Variants in CSNK1A1 observed in about 807,000 individuals in gnomAD.
CSNK1A1 encodes casein kinase 1 alpha 1.
CSNK1A1 carries 7 observed loss-of-function variants against 46.1 expected under a neutral mutation model. The ratio of observed to expected loss-of-function variants is 0.15; its 90% confidence interval spans 0.09 to 0.29. CSNK1A1 has a LOEUF of 0.29. CSNK1A1 is among the 10% of genes least tolerant of loss of function. The pLI is 1.00. For synonymous variants in CSNK1A1, 137 were observed against 141.5 expected (o/e 0.97, Z 0.23); for missense variants, 96 against 417.1 (o/e 0.23, Z 6.71).
At chr5:149,536,216 G>C (rs530744545) in intron 2 of CSNK1A1, among the ~76,000 whole-genome samples, 1 of 152,184 alleles carries the variant, frequency 6.6e-6, no homozygotes, top group East Asian at 1.9e-4. Context: ...GCCTCCCAAA[G>C]TGCTAGGATT....
intron 9 of CSNK1A1, among the ~76,000 whole-genome samples, chr5:149,499,620 CT>C (rs35603016): frequency 1.2e-3 from 174 of 143,936 alleles, no homozygotes; most frequent in Admixed American, 1.2e-3. Flanking sequence ...AAAAGATATG[CT>C]TTTTTTTTTT....
intron 9 of CSNK1A1, chr5:149,503,837 CA>C: frequency 1.0e-6 from 1 of 985,378 alleles, no homozygotes; most frequent in Non-Finnish European, 1.2e-6. Context: ...TGTTCTAGGT[CA>C]GAAGAGATTT....
chr5:149,511,952 A>C, intron 5 of CSNK1A1, 80 bp from the exon 6 acceptor site: 1 of 1,005,312 alleles, frequency 9.9e-7, no homozygotes, highest in Non-Finnish European at 1.5e-6. Context: ...TACCCAGAAG[A>C]AATGTTCCCA....
intron 3 of CSNK1A1, 122 bp downstream of exon 3, chr5:149,524,923 T>G: frequency 1.2e-6 from 1 of 824,488 alleles, no homozygotes; most frequent in Middle Eastern, 3.8e-4. Context: ...TTATTATTTT[T>G]TTTCTGCCTA....
intron 2 of CSNK1A1, among the ~76,000 whole-genome samples, chr5:149,542,684 A>ATG (rs1561772845): frequency 5.2e-4 from 9 of 17,290 alleles, no homozygotes; most frequent in African/African-American, 2.2e-3. Context: ...ATATATATAT[A>ATG]TATATATATT....
chr5:149,536,347 C>G (rs1393333704), intron 2 of CSNK1A1, among the ~76,000 whole-genome samples: 1 of 152,136 alleles, frequency 6.6e-6, no homozygotes, highest in Non-Finnish European at 1.5e-5. Flanking sequence ...GAACAAATAA[C>G]TGGATGAAGG....
chr5:149,523,315 G>A (rs928759143), intron 3 of CSNK1A1, among the ~76,000 whole-genome samples: 2 of 152,064 alleles, frequency 1.3e-5, no homozygotes, highest in Non-Finnish European at 2.9e-5. Context: ...TGCTGGGACT[G>A]TAGGCATGAG....
chr5:149,530,978 A>AAAAAAAAAAG (rs1761877310), intron 2 of CSNK1A1, among the ~76,000 whole-genome samples: 1 of 147,448 alleles, frequency 6.8e-6, no homozygotes, highest in Non-Finnish European at 1.5e-5. Flanking sequence ...AAAAAAAAAA[A>AAAAAAAAAAG]GAACACATAA....
chr5:149,513,062 G>T lies in CSNK1A1; in HGVS notation c.596+8C>A. The T allele has an allele frequency of 4.3e-6, 7 of 1,612,744 alleles. No individual in the cohort carries two copies. The highest frequency in any genetic ancestry group is 5.9e-6 in the Non-Finnish European group (7 of 1,179,560). ...GCTATGATAAGCACATTCCATTTTCGAACTTACCTCTGCTCAATACCAAGA... is the reference window on the plus strand; with the variant it reads ...GCTATGATAAGCACATTCCATTTTCTAACTTACCTCTGCTCAATACCAAGA... On this transcript the variant is annotated splice_region_variant and intron_variant, in intron 5 of 9. Coordinates refer to ENST00000377843, the MANE Select transcript of CSNK1A1 (RefSeq NM_001892.6).
chr5:149,504,775 A>G (rs1371250267), intron 9 of CSNK1A1: 1 of 985,330 alleles, frequency 1.0e-6, no homozygotes, highest in Non-Finnish European at 1.2e-6. Context: ...GCCAAAAACA[A>G]AGAAATCGTT....
intron 6 of CSNK1A1, among the ~76,000 whole-genome samples, chr5:149,510,544 T>G (rs1258537791): frequency 6.6e-6 from 1 of 152,132 alleles, no homozygotes; most frequent in African/African-American, 2.4e-5. Context: ...GTGGCTCGAT[T>G]ATAGCTCGCT....
chr5:149,513,483 C>G lies in CSNK1A1; in HGVS notation c.457-274G>C, dbSNP rs541279449. On this transcript the variant is annotated intron_variant, in intron 4 of 9. Transcript: ENST00000377843. ...TTTCATTACATACTCAGGAACCTGT[C>G]TTTATAAAGAAAGAAATGTATACAT... is the stretch of plus-strand genomic sequence containing the variant. Among the ~76,000 whole-genome samples the G allele has an allele frequency of 7.6e-4, 116 of 152,228 alleles. 1 individual carries two copies. Among genetic ancestry groups the G allele is most frequent in the Middle Eastern group, 3.4e-3 (1 of 292 alleles).
At chr5:149,538,869 C>T (rs1410687490) in intron 2 of CSNK1A1, among the ~76,000 whole-genome samples, 2 of 151,650 alleles carry the variant, frequency 1.3e-5, no homozygotes, top group African/African-American at 2.4e-5. Context: ...TTGCGGTGAG[C>T]CGAGATTGTG....
chr5:149,512,867 T>A (rs1054966386), intron 5 of CSNK1A1, among the ~76,000 whole-genome samples: 4 of 152,242 alleles, frequency 2.6e-5, no homozygotes, highest in East Asian at 1.9e-4. Context: ...GAGACAACCT[T>A]CAACAACAAC....
intron 9 of CSNK1A1, chr5:149,502,509 CTT>C (rs10565880): frequency 0.12 from 5,252 of 42,898 alleles, 984 homozygotes; most frequent in East Asian, 0.54. Flanking sequence ...GCGCCTGGCG[CTT>C]TTTTTTTTTG....
Position 149,513,105 on chromosome 5 carries a change from A to G in CSNK1A1, c.561T>C (p.Tyr187=), listed in dbSNP as rs375958756. ...TACCAAGATGTGCATTGATGCTAGC[A>G]TATCGGGCAGTGCCAGTGAGGTTTT... ...EDKNLTGTAR[Y]ASINAHLGIE... is the part of the protein sequence containing the mutation. Residue 187 remains tyrosine, a synonymous_variant, in exon 5 of 10, where the codon TAT becomes TAC. Coordinates refer to ENST00000377843, the MANE Select transcript of CSNK1A1 (RefSeq NM_001892.6). 6 of 1,613,996 alleles carry G rather than the reference A, an allele frequency of 3.7e-6. No homozygotes were observed. The highest frequency in any genetic ancestry group is 1.3e-5 in the African/African-American group (1 of 74,932).
In CSNK1A1 at chr5:149,517,665, G is replaced by A. The variant is rs973184557; in HGVS notation, c.456+2625C>T. Reference sequence around the variant, plus strand: ...CCAAGTATGTCTGAATAATGCCAACGTAAGAGGTGCTTGAGCAAGATCTAC... The same window carrying A: ...CCAAGTATGTCTGAATAATGCCAACATAAGAGGTGCTTGAGCAAGATCTAC... On this transcript the variant is annotated intron_variant, in intron 4 of 9. Transcript: ENST00000377843. The surrounding 1 kb of genome is among the most constrained non-coding windows in gnomAD (Gnocchi z 4.4). 40 of 612,754 alleles carry A rather than the reference G, an allele frequency of 6.5e-5. No homozygotes were observed. Among genetic ancestry groups the A allele is most frequent in the East Asian group, 1.7e-4 (6 of 35,504 alleles). The allele number at this position is 612,754 out of a possible 1,614,324, so 38.0% of individuals were successfully genotyped here. A position where few individuals can be genotyped will look rare whatever the true frequency, so the allele number is the denominator to read the frequency against.
chr5:149,542,826 G>A (rs1380612291), intron 2 of CSNK1A1, among the ~76,000 whole-genome samples: 1 of 147,720 alleles, frequency 6.8e-6, no homozygotes, highest in East Asian at 2.0e-4. Flanking sequence ...CTCCCAAGTA[G>A]CTGGGACTAC....
chr5:149,501,353 T>G, intron 9 of CSNK1A1: 1 of 985,470 alleles, frequency 1.0e-6, no homozygotes. Context: ...CAGAGCAGTG[T>G]GTTCAGACTG....
Sources: allele counts gnomAD v4.1 joint callset (sites outside exome capture counted in the v4.1 genomes callset), GRCh38; gene constraint gnomAD v4.1.1; non-coding constraint Gnocchi (gnomAD v3.1); transcripts MANE v1.5; gene names NCBI Gene and HGNC (gene_info 2026-07-23, HGNC 2026-07-21).